NDUFA10: variants seen among roughly 807,000 people sequenced by gnomAD.
The protein encoded by NDUFA10 is NADH dehydrogenase [ubiquinone] 1 alpha subcomplex subunit 10, mitochondrial.
In NDUFA10, 40 loss-of-function variants were observed where a neutral mutation model predicts 47.8. The ratio of observed to expected loss-of-function variants is 0.84; its 90% CI spans 0.65 to 1.09. NDUFA10 has a LOEUF of 1.09. Ranked by LOEUF, NDUFA10 falls within the 50% of genes least tolerant of loss-of-function variation. NDUFA10 has a pLI of 0.00. For synonymous variants in NDUFA10, 183 were observed against 172.2 expected (o/e 1.06, Z -0.49); for missense variants, 413 against 451.1 (o/e 0.92, Z 0.76).
At chr2:239,981,979 G>A in intron 9 of NDUFA10, 4 of 1,107,274 alleles carry the variant, frequency 3.6e-6, no homozygotes, top group Non-Finnish European at 5.0e-6. Context: ...GCCATGAAAA[G>A]GCATCCATGG....
chr2:240,020,261 A>C (rs1460469948), intron 3 of NDUFA10, among the ~76,000 whole-genome samples: 1 of 152,118 alleles, frequency 6.6e-6, no homozygotes, highest in Non-Finnish European at 1.5e-5. Context: ...TGTGCGTGAG[A>C]AGCTCATCAG....
intron 9 of NDUFA10, among the ~76,000 whole-genome samples, chr2:239,977,168 G>T (rs1366236764): frequency 6.6e-6 from 1 of 152,092 alleles, no homozygotes; most frequent in Non-Finnish European, 1.5e-5. Context: ...GTCTAGAATG[G>T]GCAACTGGAC....
At chr2:239,904,201 G>T (rs1355480905) in intron 4 of NDUFA10, among the ~76,000 whole-genome samples, 1 of 152,122 alleles carries the variant, frequency 6.6e-6, no homozygotes, top group Non-Finnish European at 1.5e-5. Context: ...TGCCCCGGGG[G>T]ACACTGGCCC....
intron 4 of NDUFA10, among the ~76,000 whole-genome samples, chr2:239,915,517 A>G (rs1255198738): frequency 7.0e-6 from 1 of 142,398 alleles, no homozygotes; most frequent in Non-Finnish European, 1.5e-5. Flanking sequence ...ATACAGACAC[A>G]CACAGACAGA....
At chr2:239,922,241 G>A (rs1315185531) in intron 4 of NDUFA10, among the ~76,000 whole-genome samples, 2 of 152,062 alleles carry the variant, frequency 1.3e-5, no homozygotes, top group Non-Finnish European at 2.9e-5. Flanking sequence ...TTATCTTTGG[G>A]TGACTTGGAT....
At chr2:239,897,855 C>T (rs1559257963) in intron 4 of NDUFA10, among the ~76,000 whole-genome samples, 1 of 152,234 alleles carries the variant, frequency 6.6e-6, no homozygotes, top group African/African-American at 2.4e-5. Context: ...CTCCCTCTGC[C>T]ATCCCAGCCT....
At position 239,931,899 on chromosome 2, in the gene NDUFA10, G is replaced by T. The variant is rs368459648; in HGVS notation, c.295-36585C>A. On this transcript the variant is annotated intron_variant, in intron 4 of 5. Coordinates refer to the NDUFA10 transcript ENST00000419408. The stretch of plus-strand genomic sequence containing the variant: ...GGCCCAGGCTGGAGTGCAGTGGTGC[G>T]ATCTCGGCTCACTGCAAGCTCCGCC... 1.5e-4 allele frequency among the ~76,000 whole-genome samples: 21 copies of T among 142,914 alleles called. No individual in the cohort carries two copies. The East Asian group carries it at 3.9e-3, about 27-fold the overall frequency. 93.8% of individuals were successfully genotyped at this position (142,914 alleles called of 152,430 possible). A position where few individuals can be genotyped will look rare whatever the true frequency, so the allele number is the denominator to read the frequency against.
chr2:239,939,081 C>T (rs1448298540), intron 4 of NDUFA10, among the ~76,000 whole-genome samples: 3 of 152,218 alleles, frequency 2.0e-5, no homozygotes, highest in African/African-American at 7.2e-5. Flanking sequence ...CTTAGGCAGA[C>T]GTAAGCTGGT....
chr2:239,911,642 G>GCCCAGC (rs925575429), intron 4 of NDUFA10, among the ~76,000 whole-genome samples: 11 of 150,412 alleles, frequency 7.3e-5, no homozygotes, highest in Non-Finnish European at 1.6e-4. Context: ...TACAAAGCCA[G>GCCCAGC]CCCAGCCCAG....
At chr2:240,012,266 A>T (rs951158008) in intron 5 of NDUFA10, 2 of 163,672 alleles carry the variant, frequency 1.2e-5, no homozygotes, top group Admixed American at 1.1e-4. Flanking sequence ...CAAGTTTTAA[A>T]ATTTAAAACT....
At chr2:239,920,956 T>C (rs2106367960) in intron 4 of NDUFA10, among the ~76,000 whole-genome samples, 1 of 152,240 alleles carries the variant, frequency 6.6e-6, no homozygotes, top group East Asian at 1.9e-4. Flanking sequence ...TCAGGTATCC[T>C]GGGGAAGGCT....
At chr2:240,006,419 C>A (rs1696950402) in intron 7 of NDUFA10, among the ~76,000 whole-genome samples, 1 of 152,146 alleles carries the variant, frequency 6.6e-6, no homozygotes, top group South Asian at 2.1e-4. Context: ...GCTCAGTCAA[C>A]CTCCCTCTTC....
intron 4 of NDUFA10, among the ~76,000 whole-genome samples, chr2:239,907,590 T>C (rs533872036): frequency 3.3e-5 from 5 of 152,322 alleles, no homozygotes; most frequent in African/African-American, 7.2e-5. Flanking sequence ...GGGCGAAGGA[T>C]ATAAACAGAC....
intron 4 of NDUFA10, among the ~76,000 whole-genome samples, chr2:239,927,348 TAA>T (rs1227840893): frequency 1.3e-5 from 2 of 152,258 alleles, no homozygotes; most frequent in Non-Finnish European, 1.5e-5. Flanking sequence ...GTGTATGAAG[TAA>T]AAGACTTAGA....
At chr2:239,983,680 G>T in intron 9 of NDUFA10, 1 of 1,576,062 alleles carries the variant, frequency 6.3e-7, no homozygotes. Context: ...CTTCACCTCT[G>T]TGGATTCCTC....
chr2:239,912,530 C>T (rs1171412987), intron 4 of NDUFA10, among the ~76,000 whole-genome samples: 1 of 152,182 alleles, frequency 6.6e-6, no homozygotes, highest in Non-Finnish European at 1.5e-5. Flanking sequence ...GGGCAGAATG[C>T]CCTTGATGCA....
chr2:239,986,068 G>A (rs1051153360), intron 9 of NDUFA10, among the ~76,000 whole-genome samples: 2 of 151,968 alleles, frequency 1.3e-5, no homozygotes, highest in Non-Finnish European at 2.9e-5. Flanking sequence ...AACCAAGTCA[G>A]AAAAATCTCT....
intron 4 of NDUFA10, among the ~76,000 whole-genome samples, chr2:239,911,943 C>T (rs140618054): frequency 6.6e-6 from 1 of 152,096 alleles, no homozygotes; most frequent in Non-Finnish European, 1.5e-5. Flanking sequence ...CTGGAACAGC[C>T]CTGGGGGGTT....
At chr2:239,963,842 G>A (rs1042079520) in intron 9 of NDUFA10, among the ~76,000 whole-genome samples, 12 of 152,202 alleles carry the variant, frequency 7.9e-5, no homozygotes, top group African/African-American at 2.9e-4. Flanking sequence ...GGCTGCAGAG[G>A]GACTGAGGAG....
Sources: gnomAD v4.1 joint callset for allele counts (sites outside exome capture counted in the v4.1 genomes callset) on GRCh38, gnomAD v4.1.1 for gene constraint, MANE v1.5 for transcripts, NCBI Gene and HGNC (gene_info 2026-07-23, HGNC 2026-07-21) for gene names.